Variants in MED27 observed in about 807,000 individuals in gnomAD.
MED27 encodes mediator complex subunit 27, also known as mediator of RNA polymerase II transcription subunit 27.
In MED27, 30 loss-of-function variants were observed where a neutral mutation model predicts 38.2. The ratio of observed to expected loss-of-function variants is 0.79; its 90% confidence interval spans 0.59 to 1.07. The LOEUF (loss-of-function observed/expected upper bound fraction) is 1.07, where lower values mean the gene tolerates loss of function less well. Ranked by LOEUF, MED27 falls within the 50% of genes least tolerant of loss-of-function variation. The probability of loss-of-function intolerance (pLI) is 0.00; values close to 1 mark genes in which losing one functional copy is unlikely to be tolerated. For missense variants in MED27, 289 were observed against 397.5 expected (o/e 0.73, Z 2.32); for synonymous variants, 122 against 153.5 (o/e 0.79, Z 1.52).
intron 2 of MED27, among the ~76,000 whole-genome samples, chr9:132,063,140 T>C (rs1008545063): frequency 6.6e-6 from 1 of 152,180 alleles, no homozygotes; most frequent in African/African-American, 2.4e-5. Flanking sequence ...GGAGATGCAG[T>C]CACTAGGAAG....
chr9:132,043,378 A>C (rs1833263203), intron 2 of MED27, among the ~76,000 whole-genome samples: 1 of 151,248 alleles, frequency 6.6e-6, no homozygotes. Flanking sequence ...AAATTCAGTT[A>C]GGTGGGGTAC....
rs1456449591 is a variant in MED27, at chr9:131,982,983, G to A, written c.479+31354C>T. On this transcript the variant is annotated intron_variant, in intron 3 of 7. Coordinates refer to ENST00000292035, the MANE Select transcript of MED27 (RefSeq NM_004269.4). This position sits in a 1 kb window ranked among gnomAD's most constrained non-coding sequence, Gnocchi z 4.3. ...GAGGATTTTGTTAAAATGTAGATTC[G>A]CATTCAGGAGGATCTGTGACTGAGT... 1.3e-5 allele frequency among the ~76,000 whole-genome samples: 2 copies of A among 152,080 alleles called. No individual in the cohort carries two copies. The highest frequency in any genetic ancestry group is 4.8e-5 in the African/African-American group (2 of 41,402).
Position 132,021,649 on chromosome 9 carries a change from G to C in MED27, c.349-7182C>G, listed in dbSNP as rs370219288. On this transcript the variant is annotated intron_variant, in intron 2 of 7. Coordinates refer to ENST00000292035, the MANE Select transcript of MED27 (RefSeq NM_004269.4). ...CATGTTGGAGAGTCACCTGGTGTCA[G>C]GGGTTGAACGTTTTTGTCTCCCCAA... is the stretch of plus-strand genomic sequence containing the variant. Among the ~76,000 whole-genome samples the C allele has an allele frequency of 2.0e-5, 3 of 152,192 alleles. No homozygotes were observed. The East Asian group carries it at 5.8e-4, about 29-fold the overall frequency.
At chr9:132,070,640 C>T (rs1356585361) in intron 2 of MED27, among the ~76,000 whole-genome samples, 1 of 152,178 alleles carries the variant, frequency 6.6e-6, no homozygotes, top group Non-Finnish European at 1.5e-5. Flanking sequence ...GATTTCCTAG[C>T]TCTTACTGAG....
intron 4 of MED27, among the ~76,000 whole-genome samples, chr9:131,937,516 G>A (rs1329225379): frequency 6.6e-6 from 1 of 152,136 alleles, no homozygotes; most frequent in East Asian, 1.9e-4. Flanking sequence ...GAAAGCAGGC[G>A]AGGTCGACCA....
chr9:131,923,653 A>C (rs902643706), intron 4 of MED27, among the ~76,000 whole-genome samples: 2 of 152,118 alleles, frequency 1.3e-5, no homozygotes, highest in Non-Finnish European at 2.9e-5. Flanking sequence ...AACAGTCAGA[A>C]CTACATAAGA....
chr9:131,954,429 T>G (rs188657421), intron 3 of MED27, among the ~76,000 whole-genome samples: 50 of 152,288 alleles, frequency 3.3e-4, no homozygotes, highest in Admixed American at 2.8e-3. Flanking sequence ...TGGAGCCAAA[T>G]CTAGGAGTCT....
intron 3 of MED27, among the ~76,000 whole-genome samples, chr9:131,969,605 C>T (rs920155840): frequency 2.0e-5 from 3 of 152,148 alleles, no homozygotes; most frequent in East Asian, 1.9e-4. Flanking sequence ...TATACTAGGC[C>T]GCTGCTATTC....
rs1215235920 is a variant in MED27, at chr9:131,969,198, A to G, written c.480-29724T>C. 5.3e-5 allele frequency among the ~76,000 whole-genome samples: 7 copies of G among 131,868 alleles called. No individual in the cohort carries two copies. The Admixed American group carries it at 5.4e-4, about 10-fold the overall frequency. The allele number at this position is 131,868 out of a possible 152,430, so 86.5% of individuals were successfully genotyped here. On this transcript the variant is annotated intron_variant, in intron 3 of 7. Transcript: ENST00000292035. The stretch of plus-strand genomic sequence containing the variant: ...CTCCTGCCCCCCACACCTTCTGTCC[A>G]TGGAAATAGTATCTTTCACGAACCA...
At chr9:132,017,615 C>T (rs1832632374) in intron 2 of MED27, among the ~76,000 whole-genome samples, 1 of 152,158 alleles carries the variant, frequency 6.6e-6, no homozygotes, top group Admixed American at 6.5e-5. Flanking sequence ...TGTTTATGTG[C>T]TGAGTTGGAG....
At chr9:132,071,856 GCA>G (rs143064371) in intron 2 of MED27, among the ~76,000 whole-genome samples, 30 of 150,020 alleles carry the variant, frequency 2.0e-4, no homozygotes, top group East Asian at 4.0e-4. Flanking sequence ...CCATGAACAA[GCA>G]CACACACACA....
intron 4 of MED27, among the ~76,000 whole-genome samples, chr9:131,911,353 G>A (rs1013210065): frequency 6.6e-6 from 1 of 152,212 alleles, no homozygotes; most frequent in Admixed American, 6.5e-5. Context: ...AGTTAATGAG[G>A]TCAAGGTCAC....
chr9:131,992,479 C>T (rs897325388), intron 3 of MED27, among the ~76,000 whole-genome samples: 1 of 152,150 alleles, frequency 6.6e-6, no homozygotes, highest in Non-Finnish European at 1.5e-5. Flanking sequence ...CTCACTGCAA[C>T]CTCGACCTCC....
chr9:131,993,382 A>C (rs1410356913), intron 3 of MED27, among the ~76,000 whole-genome samples: 9 of 152,176 alleles, frequency 5.9e-5, no homozygotes, highest in Non-Finnish European at 1.5e-5. Flanking sequence ...ACAGCTGAGG[A>C]CGAAAGAGGG....
intron 5 of MED27, among the ~76,000 whole-genome samples, chr9:131,884,796 T>C (rs1839109732): frequency 6.6e-6 from 1 of 151,916 alleles, no homozygotes; most frequent in Non-Finnish European, 1.5e-5. Context: ...TTAGTAGAGA[T>C]AGGGTTTCAC....
At chr9:132,060,224 G>T (rs927282795) in intron 2 of MED27, among the ~76,000 whole-genome samples, 4 of 152,130 alleles carry the variant, frequency 2.6e-5, no homozygotes, top group Non-Finnish European at 1.5e-5. Flanking sequence ...GAAATGGGTG[G>T]CCCCCTGTTT....
At chr9:131,874,887 C>A (rs527550852) in intron 6 of MED27, among the ~76,000 whole-genome samples, 1 of 152,212 alleles carries the variant, frequency 6.6e-6, no homozygotes, top group Non-Finnish European at 1.5e-5. Context: ...TCTGTAGGAA[C>A]GGCCCTGCAG....
At chr9:131,961,386 T>C (rs1167492818) in intron 3 of MED27, among the ~76,000 whole-genome samples, 2 of 152,220 alleles carry the variant, frequency 1.3e-5, no homozygotes, top group South Asian at 2.1e-4. Context: ...TGCTCTCTGA[T>C]ATTTTTCAGC....
At chr9:132,071,775 A>G (rs967329714) in intron 2 of MED27, among the ~76,000 whole-genome samples, 4 of 151,104 alleles carry the variant, frequency 2.6e-5, no homozygotes, top group Non-Finnish European at 4.4e-5. Flanking sequence ...CGAGTAACAC[A>G]CGTCCATGAA....
Sources: allele counts gnomAD v4.1 joint callset (sites outside exome capture counted in the v4.1 genomes callset), GRCh38; gene constraint gnomAD v4.1.1; non-coding constraint Gnocchi (gnomAD v3.1); transcripts MANE v1.5; gene names NCBI Gene and HGNC (gene_info 2026-07-23, HGNC 2026-07-21).